Variants in TPTE2 observed in about 807,000 individuals in gnomAD.
The protein encoded by TPTE2 is transmembrane phosphoinositide 3-phosphatase and tensin homolog 2, also known as phosphatidylinositol 3,4,5-trisphosphate 3-phosphatase TPTE2.
In TPTE2, 53 loss-of-function variants were observed where a neutral mutation model predicts 78.6. That is an observed-to-expected ratio of 0.67 (90% confidence interval 0.54 to 0.85). TPTE2 has a LOEUF of 0.85. TPTE2 is among the 40% of genes least tolerant of loss of function. The probability of loss-of-function intolerance (pLI) is 0.00; values close to 1 mark genes in which losing one functional copy is unlikely to be tolerated. For missense variants in TPTE2, 461 were observed against 623.0 expected (o/e 0.74, Z 2.77); for synonymous variants, 175 against 206.2 (o/e 0.85, Z 1.30).
At chr13:19,436,808 A>G (rs996543962) in intron 14 of TPTE2, among the ~76,000 whole-genome samples, 10 of 152,124 alleles carry the variant, frequency 6.6e-5, no homozygotes, top group Admixed American at 5.9e-4. Flanking sequence ...TAGAGCTGGA[A>G]ACACCATAGA....
Position 19,492,232 on chromosome 13 carries a change from G to A in TPTE2, c.119+618C>T, listed in dbSNP as rs548803438. Among the ~76,000 whole-genome samples the A allele has an allele frequency of 7.7e-3, 1,165 of 152,174 alleles. 8 individuals are homozygous for A. The highest frequency in any genetic ancestry group is 0.012 in the Non-Finnish European group (805 of 68,022). On this transcript the variant is annotated intron_variant, in intron 3 of 19. Coordinates refer to ENST00000400230, the Ensembl canonical transcript of TPTE2. The stretch of plus-strand genomic sequence containing the variant: ...CCATGAGACACAGTGAAGTACCCGC[G>A]CACCTGAGGAAAGCGGCATCCAATG...
intron 19 of TPTE2, among the ~76,000 whole-genome samples, chr13:19,423,894 C>T (rs1303242673): frequency 6.6e-6 from 1 of 152,186 alleles, no homozygotes; most frequent in Non-Finnish European, 1.5e-5. Flanking sequence ...TGAAGCTCCA[C>T]CCAGGTCTCA....
intron 1 of TPTE2, among the ~76,000 whole-genome samples, chr13:19,497,157 G>A (rs1295752730): frequency 5.9e-5 from 9 of 151,894 alleles, no homozygotes; most frequent in Admixed American, 2.0e-4. Flanking sequence ...CTACGCCCAC[G>A]GAGTCTCGCT....
At chr13:19,536,511 T>G (rs1229282758) in intron 1 of TPTE2, 1 of 152,226 alleles carries the variant, frequency 6.6e-6, no homozygotes, top group Non-Finnish European at 1.5e-5. Flanking sequence ...TTTTATCACA[T>G]TTATAGCTAA....
chr13:19,433,726 G>C (rs948668319), intron 15 of TPTE2, among the ~76,000 whole-genome samples: 4 of 152,192 alleles, frequency 2.6e-5, no homozygotes, highest in Non-Finnish European at 5.9e-5. Context: ...ATCACCACCA[G>C]ACATAGAGGG....
chr13:19,561,120 G>A, the TPTE2 span: 1 of 1,604,854 alleles, frequency 6.2e-7, no homozygotes, highest in Non-Finnish European at 8.5e-7. Flanking sequence ...TGGCCTGGGA[G>A]GCAGTGGGTG....
chr13:19,499,029 AC>A (rs1239464051), intron 1 of TPTE2, among the ~76,000 whole-genome samples: 3 of 152,246 alleles, frequency 2.0e-5, no homozygotes, highest in South Asian at 4.2e-4. Context: ...CTTTAAACCA[AC>A]AAAGATCAAA....
intron 14 of TPTE2, 48 bp from the exon 18 acceptor site, chr13:19,436,354 T>C (rs1877088076): frequency 1.3e-6 from 2 of 1,519,964 alleles, no homozygotes; most frequent in Non-Finnish European, 9.1e-7. Flanking sequence ...CACTCTTTCC[T>C]TTCCTATATT....
At chr13:19,442,985 AT>A (rs1247525055) in intron 13 of TPTE2, among the ~76,000 whole-genome samples, 3 of 152,176 alleles carry the variant, frequency 2.0e-5, no homozygotes, top group Non-Finnish European at 4.4e-5. Context: ...AAAAATCAGC[AT>A]GCATAAATTT....
At chr13:19,488,405 C>A (rs1227126601) in intron 3 of TPTE2, among the ~76,000 whole-genome samples, 1 of 152,224 alleles carries the variant, frequency 6.6e-6, no homozygotes, top group African/African-American at 2.4e-5. Context: ...TCCTAGATGG[C>A]ATCTTCTTCC....
chr13:19,452,211 C>T (rs111584798), intron 10 of TPTE2, among the ~76,000 whole-genome samples: 22 of 152,046 alleles, frequency 1.4e-4, no homozygotes, highest in Non-Finnish European at 2.9e-4. Context: ...GAATTTCTTA[C>T]ATAAAATCCA....
At chr13:19,440,054 T>G (rs1449393822) in intron 13 of TPTE2, among the ~76,000 whole-genome samples, 3 of 152,030 alleles carry the variant, frequency 2.0e-5, no homozygotes, top group Admixed American at 6.6e-5. Flanking sequence ...TCGAGAAAAT[T>G]TCTTGAATCT....
At chr13:19,476,447 C>A (rs1879944692) in intron 4 of TPTE2, among the ~76,000 whole-genome samples, 1 of 151,762 alleles carries the variant, frequency 6.6e-6, no homozygotes, top group Admixed American at 6.6e-5. Context: ...ACTCAAATTC[C>A]ACCCCGAGAG....
In TPTE2 at chr13:19,502,765, A is replaced by G. The variant is rs191125928; in HGVS notation, c.11+459T>C. Among the ~76,000 whole-genome samples, 5 of 151,980 alleles carry G rather than the reference A, an allele frequency of 3.3e-5. No individual in the cohort carries two copies. The East Asian group carries it at 9.7e-4, about 29-fold the overall frequency. ...TATACATATGTAACTAACCTGCACA[A>G]TGTGCACATGTACCCTAAAACTTAA... On this transcript the variant is annotated intron_variant, in intron 1 of 19. Transcript: ENST00000400230.
chr13:19,526,872 ATCTCT>A (rs1047808473), intron 1 of TPTE2, among the ~76,000 whole-genome samples: 13 of 152,088 alleles, frequency 8.5e-5, no homozygotes, highest in African/African-American at 2.9e-4. Context: ...TGTATAGGTA[ATCTCT>A]TCTCAATAAG....
chr13:19,485,664 T>A (rs1880623761), intron 3 of TPTE2, among the ~76,000 whole-genome samples: 4 of 152,154 alleles, frequency 2.6e-5, no homozygotes, highest in Admixed American at 2.0e-4. Flanking sequence ...ATGCCCATAA[T>A]ATGAATATTT....
At chr13:19,454,424 C>T (rs2137538640) in intron 10 of TPTE2, among the ~76,000 whole-genome samples, 1 of 152,294 alleles carries the variant, frequency 6.6e-6, no homozygotes, top group African/African-American at 2.4e-5. Flanking sequence ...ATGCTGTTAT[C>T]ACTGAACATG....
At chr13:19,444,679 G>C (rs1877717334) in intron 13 of TPTE2, among the ~76,000 whole-genome samples, 1 of 152,108 alleles carries the variant, frequency 6.6e-6, no homozygotes, top group African/African-American at 2.4e-5. Context: ...TCCAGTGTGT[G>C]TAATTTGACT....
chr13:19,497,515 G>A lies in TPTE2; in HGVS notation c.12-4014C>T, dbSNP rs1364645534. On this transcript the variant is annotated intron_variant, in intron 1 of 19. Transcript: ENST00000400230. ...CCCCTGACCCCTGAGCAGCCTAACTGGGAGGCACCCCCCAGCAGGGGCACA... is the reference window on the plus strand; with the variant it reads ...CCCCTGACCCCTGAGCAGCCTAACTAGGAGGCACCCCCCAGCAGGGGCACA... Among the ~76,000 whole-genome samples the A allele has an allele frequency of 2.8e-3, 234 of 85,062 alleles. 8 individuals carry two copies. The highest frequency in any genetic ancestry group is 8.9e-3 in the Middle Eastern group (2 of 224). The allele number at this position is 85,062 out of a possible 152,430, so 55.8% of individuals were successfully genotyped here.
Sources: allele counts gnomAD v4.1 joint callset (sites outside exome capture counted in the v4.1 genomes callset), GRCh38; gene constraint gnomAD v4.1.1; transcripts MANE v1.5; gene names NCBI Gene and HGNC (gene_info 2026-07-23, HGNC 2026-07-21).